Variants in BARD1 observed in about 807,000 individuals in gnomAD.
BARD1 encodes BRCA1 associated RING domain 1, also known as BRCA1-associated RING domain protein 1.
A neutral mutation model predicts 77.0 loss-of-function variants in BARD1; 73 were observed. The ratio of observed to expected loss-of-function variants is 0.95; its 90% confidence interval spans 0.79 to 1.15. BARD1 has a LOEUF of 1.15. BARD1 is among the 50% of genes most tolerant of loss of function. The pLI is 0.00. For missense variants in BARD1, 993 were observed against 938.8 expected (o/e 1.06, Z -0.75); for synonymous variants, 384 against 338.0 (o/e 1.14, Z -1.49).
At chr2:214,747,948 G>T (rs1462682926) in intron 7 of BARD1, among the ~76,000 whole-genome samples, 2 of 151,794 alleles carry the variant, frequency 1.3e-5, no homozygotes, top group African/African-American at 4.8e-5. Flanking sequence ...ATTACTCTTT[G>T]ATAATATTTA....
intron 9 of BARD1, among the ~76,000 whole-genome samples, chr2:214,735,221 A>G (rs1040476250): frequency 1.3e-5 from 2 of 152,182 alleles, no homozygotes; most frequent in African/African-American, 4.8e-5. Context: ...CTCACAAAAC[A>G]GCACTTCAGC....
chr2:214,771,831 T>C (rs749227572), intron 4 of BARD1, among the ~76,000 whole-genome samples: 6 of 150,070 alleles, frequency 4.0e-5, no homozygotes, highest in African/African-American at 7.4e-5. Context: ...TCATGCAACA[T>C]ACATTTTTAT....
chr2:214,780,126 T>C (rs1282465856), intron 4 of BARD1, among the ~76,000 whole-genome samples: 1 of 152,222 alleles, frequency 6.6e-6, no homozygotes, highest in Non-Finnish European at 1.5e-5. Flanking sequence ...TGGAGAAATG[T>C]ACAGACCACA....
chr2:214,789,245 TAGG>T (rs1695411020), intron 3 of BARD1, among the ~76,000 whole-genome samples: 1 of 152,010 alleles, frequency 6.6e-6, no homozygotes. Flanking sequence ...TTATTTTAAT[TAGG>T]TCAGGCACAA....
chr2:214,736,636 T>A (rs185600319), intron 9 of BARD1, among the ~76,000 whole-genome samples: 15 of 152,206 alleles, frequency 9.9e-5, no homozygotes, highest in African/African-American at 3.1e-4. Context: ...CATCTATTCC[T>A]CCTGAAAACA....
intron 2 of BARD1, among the ~76,000 whole-genome samples, chr2:214,795,982 T>C (rs1456146101): frequency 6.6e-6 from 1 of 152,140 alleles, no homozygotes; most frequent in Admixed American, 6.5e-5. Context: ...ACCCAAAACA[T>C]AGCTGCCTCC....
chr2:214,744,988 C>A, intron 9 of BARD1, 79 bp downstream of exon 9: 1 of 1,237,060 alleles, frequency 8.1e-7, no homozygotes, highest in South Asian at 1.3e-5. Context: ...CATCAAGTTC[C>A]TTAATCACAG....
chr2:214,765,018 C>G (rs1227852324), intron 6 of BARD1, among the ~76,000 whole-genome samples: 1 of 152,174 alleles, frequency 6.6e-6, no homozygotes, highest in Admixed American at 6.5e-5. Context: ...CCCTACTTCC[C>G]AACTGCCCAG....
chr2:214,786,561 A>C (rs1252872548), intron 3 of BARD1, among the ~76,000 whole-genome samples: 1 of 151,984 alleles, frequency 6.6e-6, no homozygotes, highest in Non-Finnish European at 1.5e-5. Context: ...GGTAAGAAGA[A>C]ATGGGAAACA....
At chr2:214,774,952 ACC>A (rs769550873) in intron 4 of BARD1, among the ~76,000 whole-genome samples, 4 of 151,752 alleles carry the variant, frequency 2.6e-5, no homozygotes, top group African/African-American at 4.8e-5. Context: ...CAGCTTCCTC[ACC>A]TCTCTCAGTC....
chr2:214,777,521 A>G (rs905616333), intron 4 of BARD1, among the ~76,000 whole-genome samples: 1 of 152,154 alleles, frequency 6.6e-6, no homozygotes, highest in Non-Finnish European at 1.5e-5. Flanking sequence ...ATGCTTAAGA[A>G]ACAATACAAC....
intron 4 of BARD1, among the ~76,000 whole-genome samples, chr2:214,775,785 T>G (rs1023658550): frequency 5.3e-5 from 8 of 152,178 alleles, no homozygotes; most frequent in African/African-American, 1.7e-4. Context: ...CTTATACATA[T>G]GTGGTGAGTG....
At chr2:214,765,952 C>T (rs1458090491) in intron 6 of BARD1, among the ~76,000 whole-genome samples, 3 of 152,162 alleles carry the variant, frequency 2.0e-5, no homozygotes, top group Non-Finnish European at 4.4e-5. Flanking sequence ...AAAATTACGA[C>T]CTAGAAGCCC....
Position 214,761,722 on chromosome 2 carries a change from A to G in BARD1, c.1568+5760T>C, listed in dbSNP as rs141518543. Among the ~76,000 whole-genome samples, 1,359 of 152,310 alleles carry G rather than the reference A, an allele frequency of 8.9e-3. 8 individuals carry two copies. Among genetic ancestry groups the G allele is most frequent in the Middle Eastern group, 0.075 (22 of 294 alleles). ...TAAAATACAGTCTTGTTAGAAAATA[A>G]TAAAGGGAAGAAAGCTTCCACAGGG... On this transcript the variant is annotated intron_variant, in intron 6 of 10. Coordinates refer to ENST00000260947, the MANE Select transcript of BARD1 (RefSeq NM_000465.4).
At chr2:214,741,709 G>A (rs938314252) in intron 9 of BARD1, among the ~76,000 whole-genome samples, 2 of 152,090 alleles carry the variant, frequency 1.3e-5, no homozygotes, top group Non-Finnish European at 2.9e-5. Flanking sequence ...GTATCATTCT[G>A]TAAAATATCT....
chr2:214,763,916 T>C (rs1385316989), intron 6 of BARD1, among the ~76,000 whole-genome samples: 1 of 152,170 alleles, frequency 6.6e-6, no homozygotes, highest in African/African-American at 2.4e-5. Flanking sequence ...CACCTGTTAC[T>C]ACCTAATTCT....
intron 9 of BARD1, among the ~76,000 whole-genome samples, chr2:214,737,032 G>C (rs1692597279): frequency 6.6e-6 from 1 of 152,118 alleles, no homozygotes; most frequent in South Asian, 2.1e-4. Context: ...GGGTGGCAAA[G>C]TGTTTTGTTA....
At chr2:214,775,504 A>T (rs1388071634) in intron 4 of BARD1, among the ~76,000 whole-genome samples, 2 of 152,202 alleles carry the variant, frequency 1.3e-5, no homozygotes, top group East Asian at 3.8e-4. Flanking sequence ...ACTGATCACA[A>T]ATCACCGTAA....
chr2:214,761,622 G>C (rs1559403800), intron 6 of BARD1, among the ~76,000 whole-genome samples: 2 of 152,062 alleles, frequency 1.3e-5, no homozygotes, highest in South Asian at 4.1e-4. Flanking sequence ...GCAACACAGT[G>C]AGACCCTATC....
Sources: allele counts gnomAD v4.1 joint callset (sites outside exome capture counted in the v4.1 genomes callset), GRCh38; gene constraint gnomAD v4.1.1; transcripts MANE v1.5; gene names NCBI Gene and HGNC (gene_info 2026-07-23, HGNC 2026-07-21).